The following RTKN2 variants were observed in gnomAD, a reference collection of about 807,000 sequenced individuals.
The protein encoded by RTKN2 is rhotekin-2.
In RTKN2, 69 loss-of-function variants were observed where a neutral mutation model predicts 71.5. That is an observed-to-expected ratio of 0.96 (90% confidence interval 0.79 to 1.18). The LOEUF (loss-of-function observed/expected upper bound fraction) is 1.18. Among genes scored for constraint, RTKN2 ranks in the 50% most tolerant of loss-of-function variants. The pLI is 0.00. For missense variants in RTKN2, 724 were observed against 719.7 expected (o/e 1.01, Z -0.07); for synonymous variants, 236 against 236.5 (o/e 1.00, Z 0.02).
intron 1 of RTKN2, among the ~76,000 whole-genome samples, chr10:62,267,017 G>A (rs531378102): frequency 2.0e-5 from 3 of 152,260 alleles, no homozygotes; most frequent in Admixed American, 6.5e-5. Context: ...GCCTTATCTC[G>A]ATTACGTGGC....
Position 62,254,497 on chromosome 10 carries a change from G to A in RTKN2, c.257+8128C>T, listed in dbSNP as rs138615493. Reference sequence around the variant, plus strand: ...ACCCAATCTCAGGTGGTCCTTTATAGCATTGTGAGAACAAAGTAATACAAT... The same window carrying A: ...ACCCAATCTCAGGTGGTCCTTTATAACATTGTGAGAACAAAGTAATACAAT... On this transcript the variant is annotated intron_variant, in intron 2 of 11. Transcript: ENST00000373789. Among the ~76,000 whole-genome samples, 733 of 152,174 alleles carry A rather than the reference G, an allele frequency of 4.8e-3. 22 individuals are homozygous for A. The highest frequency in any genetic ancestry group is 0.038 in the Admixed American group (576 of 15,288).
At chr10:62,208,912 T>A (rs919824283) in intron 9 of RTKN2, among the ~76,000 whole-genome samples, 3 of 152,198 alleles carry the variant, frequency 2.0e-5, no homozygotes. Flanking sequence ...TGAAAGTATA[T>A]GACCCTTCCT....
intron 9 of RTKN2, among the ~76,000 whole-genome samples, chr10:62,207,992 G>A (rs1473383171): frequency 2.6e-5 from 4 of 152,050 alleles, no homozygotes; most frequent in Admixed American, 1.3e-4. Flanking sequence ...TATTCACTGT[G>A]TAATTTTAAT....
intron 6 of RTKN2, among the ~76,000 whole-genome samples, chr10:62,226,098 T>C (rs1660090668): frequency 6.6e-6 from 1 of 152,198 alleles, no homozygotes; most frequent in Admixed American, 6.5e-5. Flanking sequence ...GTATTTTCTA[T>C]GCTAGCAATC....
chr10:62,265,190 C>A (rs1230521599), intron 1 of RTKN2, among the ~76,000 whole-genome samples: 1 of 152,048 alleles, frequency 6.6e-6, no homozygotes, highest in Non-Finnish European at 1.5e-5. Flanking sequence ...CTAACAGATA[C>A]TACTATTAAG....
chr10:62,250,092 G>T (rs1434978342), intron 2 of RTKN2, among the ~76,000 whole-genome samples: 1 of 152,208 alleles, frequency 6.6e-6, no homozygotes, highest in African/African-American at 2.4e-5. Context: ...ACTAACATCT[G>T]AAACCGTCAA....
At chr10:62,231,627 AT>A (rs945527805) in intron 6 of RTKN2, among the ~76,000 whole-genome samples, 24 of 150,886 alleles carry the variant, frequency 1.6e-4, no homozygotes, top group African/African-American at 5.8e-4. Context: ...AATCAGCTAC[AT>A]TTTTTTTTCT....
At chr10:62,227,222 C>G (rs1329103024) in intron 6 of RTKN2, among the ~76,000 whole-genome samples, 1 of 151,792 alleles carries the variant, frequency 6.6e-6, no homozygotes, top group Non-Finnish European at 1.5e-5. Context: ...CTCTCTTATA[C>G]AGGAAGAAAA....
At chr10:62,228,453 A>G (rs1321446536) in intron 6 of RTKN2, among the ~76,000 whole-genome samples, 1 of 152,208 alleles carries the variant, frequency 6.6e-6, no homozygotes, top group African/African-American at 2.4e-5. Context: ...TTTCTGTAGG[A>G]TGGGATGGAG....
chr10:62,215,459 T>A (rs1418355148), intron 9 of RTKN2, among the ~76,000 whole-genome samples: 1 of 152,022 alleles, frequency 6.6e-6, no homozygotes, highest in Non-Finnish European at 1.5e-5. Context: ...AGGTCCTGGA[T>A]CAGACACTAA....
intron 5 of RTKN2, among the ~76,000 whole-genome samples, chr10:62,237,674 G>A (rs1325405422): frequency 1.3e-5 from 2 of 151,550 alleles, no homozygotes; most frequent in Non-Finnish European, 3.0e-5. Flanking sequence ...GTCACTTATA[G>A]TGCACTCGTC....
At position 62,239,639 on chromosome 10, in the gene RTKN2, A is replaced by C; in HGVS notation, c.488+9T>G. The C allele has an allele frequency of 6.7e-6, 8 of 1,192,960 alleles. No individual in the cohort carries two copies. The highest frequency in any genetic ancestry group is 9.4e-6 in the Non-Finnish European group (8 of 846,868). The allele number at this position is 1,192,960 out of a possible 1,614,324, so 73.9% of individuals were successfully genotyped here. A position where few individuals can be genotyped will look rare whatever the true frequency, so the allele number is the denominator to read the frequency against. On this transcript the variant is annotated intron_variant, in intron 5 of 11. Coordinates refer to ENST00000373789, the MANE Select transcript of RTKN2 (RefSeq NM_145307.4). Reference sequence around the variant, plus strand: ...TATTTTTATTCTCTGAAGATTAAAAAATACTTACAATATGGTTACATTTTC... The same window carrying C: ...TATTTTTATTCTCTGAAGATTAAAACATACTTACAATATGGTTACATTTTC...
chr10:62,241,234 TG>T, intron 3 of RTKN2, 39 bp from the exon 4 acceptor site: 1 of 1,345,398 alleles, frequency 7.4e-7, no homozygotes, highest in East Asian at 2.3e-5. Context: ...GTAATAATTT[TG>T]GTAAGTTTTA....
Position 62,241,189 on chromosome 10 carries a change from C to T in RTKN2, c.323G>A (p.Arg108Gln), listed in dbSNP as rs758667603. ...AGAGTCTTTCCACATTAGTGGTATT[C>T]GAATATCTATAAAGAAGGGAAAAAG... ...CKGKIAISDI[R>Q]IPLMWKDSDH... The change falls in exon 4 of 12, where the codon CGA becomes CAA. Residue 108 changes from arginine (R) to glutamine (Q), a missense_variant. Physicochemically the swap from Arg to Gln is conservative, Grantham distance 43. Transcript: ENST00000373789. The T allele has an allele frequency of 1.3e-5, 21 of 1,557,846 alleles. No homozygotes were observed. Among genetic ancestry groups the T allele is most frequent in the Middle Eastern group, 1.7e-4 (1 of 5,950 alleles).
Position 62,184,225 on chromosome 10 carries a change from G to A in RTKN2, c.*97C>T, listed in dbSNP as rs569420055. 9.6e-5 allele frequency: 70 copies of A among 731,802 alleles called. 1 individual carries two copies. In the Admixed American group the frequency reaches 1.3e-3, roughly 14 times the overall value. The allele number at this position is 731,802 out of a possible 1,614,324, so 45.3% of individuals were successfully genotyped here. A position where few individuals can be genotyped will look rare whatever the true frequency, so the allele number is the denominator to read the frequency against. ...GGTGCTAGGAATACAGGAAGGAGAC[G>A]CGTTGTCTTTTCCCTCATGAAGCTT... On this transcript the variant is annotated 3_prime_UTR_variant, in exon 9 of 9. Transcript: ENST00000315289.
intron 2 of RTKN2, among the ~76,000 whole-genome samples, chr10:62,253,109 G>C (rs190340630): frequency 1.1e-3 from 169 of 152,128 alleles, no homozygotes; most frequent in Non-Finnish European, 2.0e-3. Context: ...ATGAACACAA[G>C]AAACAAGTCT....
chr10:62,188,699 C>T (rs973208122), downstream of RTKN2, among the ~76,000 whole-genome samples: 6 of 151,798 alleles, frequency 4.0e-5, no homozygotes, highest in Non-Finnish European at 8.8e-5. Context: ...AAGAGCTTTC[C>T]TTTCTTTTCA....
chr10:62,250,567 A>G (rs1463502734), intron 2 of RTKN2, among the ~76,000 whole-genome samples: 2 of 152,244 alleles, frequency 1.3e-5, no homozygotes, highest in Non-Finnish European at 2.9e-5. Flanking sequence ...AGTTGTCCAG[A>G]GTAAACTGCA....
chr10:62,225,851 G>C (rs112065159), intron 6 of RTKN2, among the ~76,000 whole-genome samples: 1 of 149,372 alleles, frequency 6.7e-6, no homozygotes, highest in Admixed American at 6.7e-5. Context: ...GCACAATCTC[G>C]ACTCACTGCA....
Sources: allele counts gnomAD v4.1 joint callset (sites outside exome capture counted in the v4.1 genomes callset), GRCh38; gene constraint gnomAD v4.1.1; transcripts MANE v1.5; gene names NCBI Gene and HGNC (gene_info 2026-07-23, HGNC 2026-07-21).